Variants in MGAT5 observed in about 807,000 individuals in gnomAD.
The protein encoded by MGAT5 is alpha-1,6-mannosylglycoprotein 6-beta-N-acetylglucosaminyltransferase, also known as alpha-1,6-mannosylglycoprotein 6-beta-N-acetylglucosaminyltransferase A.
In MGAT5, 30 loss-of-function variants were observed where a neutral mutation model predicts 94.3. The observed-to-expected ratio is 0.32, with a 90% confidence interval of 0.24 to 0.43. The LOEUF (loss-of-function observed/expected upper bound fraction) is 0.43. Among genes scored for constraint, MGAT5 ranks in the 20% least tolerant of loss-of-function variants. The pLI, the probability that MGAT5 is intolerant of heterozygous loss-of-function variation, is 1.00. For synonymous variants in MGAT5, 310 were observed against 322.9 expected, an observed-to-expected ratio of 0.96 and a Z score of 0.43; for missense variants, 691 against 905.5, an observed-to-expected ratio of 0.76 and a Z score of 3.04.
intron 1 of MGAT5, among the ~76,000 whole-genome samples, chr2:134,240,592 G>A (rs1463672906): frequency 6.6e-6 from 1 of 152,094 alleles, no homozygotes; most frequent in Non-Finnish European, 1.5e-5. Flanking sequence ...ATGGAGTGTT[G>A]TTTAAAGACA....
chr2:134,305,369 C>A (rs1013164560), intron 2 of MGAT5, among the ~76,000 whole-genome samples: 2 of 152,254 alleles, frequency 1.3e-5, no homozygotes, highest in South Asian at 4.1e-4. Flanking sequence ...AGCTATAAGA[C>A]GCTTGTGACA....
intron 1 of MGAT5, among the ~76,000 whole-genome samples, chr2:134,246,652 CTT>C (rs1682283219): frequency 1.3e-5 from 2 of 152,180 alleles, no homozygotes; most frequent in African/African-American, 2.4e-5. Flanking sequence ...TAGTACTGGA[CTT>C]TGGTTTCTGT....
At chr2:134,214,617 G>A (rs1188675075) in intron 1 of MGAT5, among the ~76,000 whole-genome samples, 1 of 152,034 alleles carries the variant, frequency 6.6e-6, no homozygotes, top group East Asian at 2.0e-4. Context: ...AAGGGAACTA[G>A]GGAGTAAGAC....
At chr2:134,397,701 A>G (rs1482501495) in intron 10 of MGAT5, among the ~76,000 whole-genome samples, 1 of 152,158 alleles carries the variant, frequency 6.6e-6, no homozygotes, top group Non-Finnish European at 1.5e-5. Flanking sequence ...CTGACTGAAA[A>G]AGAGAGGAGC....
chr2:134,338,148 C>A, intron 5 of MGAT5, 111 bp from the exon 6 acceptor site: 1 of 875,290 alleles, frequency 1.1e-6, no homozygotes, highest in African/African-American at 1.7e-5. Flanking sequence ...ACTTTTGAAG[C>A]TCTCAATTTA....
At chr2:134,159,121 A>C (rs926220900) in intron 1 of MGAT5, among the ~76,000 whole-genome samples, 10 of 152,040 alleles carry the variant, frequency 6.6e-5, no homozygotes, top group Admixed American at 6.6e-4. Flanking sequence ...TTATGTGGCT[A>C]CCAGAACATT....
chr2:134,137,257 TGG>T (rs1265881560), intron 1 of MGAT5, among the ~76,000 whole-genome samples: 3 of 152,214 alleles, frequency 2.0e-5, no homozygotes, highest in Non-Finnish European at 4.4e-5. Context: ...TGTTGGCGTA[TGG>T]CTTTGGACAG....
chr2:134,306,283 GTT>G (rs147745409), intron 2 of MGAT5, among the ~76,000 whole-genome samples: 1 of 152,038 alleles, frequency 6.6e-6, no homozygotes, highest in Non-Finnish European at 1.5e-5. Context: ...TACATGCAGA[GTT>G]TTGCATTAAA....
intron 4 of MGAT5, among the ~76,000 whole-genome samples, chr2:134,321,923 C>T (rs1004791837): frequency 2.0e-5 from 3 of 152,232 alleles, no homozygotes; most frequent in African/African-American, 4.8e-5. Context: ...AACCTCAGGG[C>T]TTTTCTATGT....
chr2:134,166,402 A>C (rs1439065847), intron 1 of MGAT5, among the ~76,000 whole-genome samples: 1 of 152,354 alleles, frequency 6.6e-6, no homozygotes, highest in East Asian at 1.9e-4. Flanking sequence ...TTTACAGCTT[A>C]AACATTCTGG....
At chr2:134,313,360 C>T (rs1190528639) in intron 2 of MGAT5, among the ~76,000 whole-genome samples, 1 of 152,110 alleles carries the variant, frequency 6.6e-6, no homozygotes, top group Non-Finnish European at 1.5e-5. Context: ...AGATTAAACC[C>T]ATATTCGAAC....
Position 134,378,022 on chromosome 2 carries a change from C to T in MGAT5, c.1380+15614C>T, listed in dbSNP as rs181323482. On this transcript the variant is annotated intron_variant, in intron 10 of 15. Coordinates refer to ENST00000281923, the MANE Select transcript of MGAT5 (RefSeq NM_002410.5). ...CAAACACGTTGTTTCCTGGCCTTGG[C>T]GTGGAGGGTCAGCCAGTGTACCAGT... is the stretch of plus-strand genomic sequence containing the variant. Among the ~76,000 whole-genome samples the T allele has an allele frequency of 1.7e-4, 26 of 152,204 alleles. No individual in the cohort carries two copies. The East Asian group carries it at 4.1e-3, about 24-fold the overall frequency.
At chr2:134,316,017 A>G (rs1686977719) in intron 2 of MGAT5, among the ~76,000 whole-genome samples, 1 of 152,098 alleles carries the variant, frequency 6.6e-6, no homozygotes, top group Admixed American at 6.5e-5. Context: ...GTGAAATAAT[A>G]CTGCAGTTTG....
At chr2:134,432,113 A>T (rs886698575) in intron 14 of MGAT5, among the ~76,000 whole-genome samples, 4 of 152,216 alleles carry the variant, frequency 2.6e-5, no homozygotes, top group Non-Finnish European at 5.9e-5. Flanking sequence ...TAAGGTTTTC[A>T]TTATGCATTT....
At chr2:134,205,611 G>C (rs1459946388) in intron 1 of MGAT5, among the ~76,000 whole-genome samples, 2 of 152,220 alleles carry the variant, frequency 1.3e-5, no homozygotes, top group African/African-American at 4.8e-5. Context: ...AAACACTGAA[G>C]TGGAGCTCAT....
At chr2:134,348,546 C>A (rs1679150146) in intron 8 of MGAT5, among the ~76,000 whole-genome samples, 1 of 152,118 alleles carries the variant, frequency 6.6e-6, no homozygotes, top group African/African-American at 2.4e-5. Context: ...GATTTTTTCC[C>A]CCTGAATCAT....
chr2:134,334,113 T>C (rs1444121812), intron 4 of MGAT5, among the ~76,000 whole-genome samples: 1 of 152,144 alleles, frequency 6.6e-6, no homozygotes, highest in Non-Finnish European at 1.5e-5. Context: ...CTATATTTTA[T>C]ATTTTCAGGA....
intron 1 of MGAT5, among the ~76,000 whole-genome samples, chr2:134,179,943 G>A (rs1688657194): frequency 1.3e-5 from 2 of 152,296 alleles, no homozygotes; most frequent in Middle Eastern, 3.4e-3. Context: ...GGTGATGAAA[G>A]GGACCTCTGG....
At chr2:134,262,237 A>G (rs960575401) in intron 1 of MGAT5, among the ~76,000 whole-genome samples, 1 of 151,614 alleles carries the variant, frequency 6.6e-6, no homozygotes, top group Admixed American at 6.6e-5. Context: ...TTTTTGTTTT[A>G]TTTTGTTTTG....
Sources: allele counts gnomAD v4.1 joint callset (sites outside exome capture counted in the v4.1 genomes callset), GRCh38; gene constraint gnomAD v4.1.1; transcripts MANE v1.5; gene names NCBI Gene and HGNC (gene_info 2026-07-23, HGNC 2026-07-21).